The following PPM1H variants were observed in gnomAD, a reference collection of about 807,000 sequenced individuals.
PPM1H encodes protein phosphatase 1H.
A neutral mutation model predicts 54.9 loss-of-function variants in PPM1H; 27 were observed. The ratio of observed to expected loss-of-function variants is 0.49; its 90% CI spans 0.36 to 0.68. The LOEUF (loss-of-function observed/expected upper bound fraction) is 0.68. PPM1H is among the 30% of genes least tolerant of loss of function. The pLI, the probability that PPM1H is intolerant of heterozygous loss-of-function variation, is 0.00. For synonymous variants in PPM1H, 305 were observed against 270.8 expected (o/e 1.13, Z -1.24); for missense variants, 596 against 667.8 (o/e 0.89, Z 1.19).
chr12:62,808,373 C>G (rs765305170), intron 2 of PPM1H, among the ~76,000 whole-genome samples: 9 of 148,504 alleles, frequency 6.1e-5, no homozygotes, highest in Non-Finnish European at 1.2e-4. Flanking sequence ...GGTGACCACC[C>G]CTACCCTACC....
At chr12:62,751,639 A>C (rs2076443226) in intron 4 of PPM1H, among the ~76,000 whole-genome samples, 1 of 152,232 alleles carries the variant, frequency 6.6e-6, no homozygotes, top group Non-Finnish European at 1.5e-5. Flanking sequence ...AGCTTTGTCT[A>C]TATTTGCCTG....
intron 4 of PPM1H, among the ~76,000 whole-genome samples, chr12:62,737,825 C>T (rs903984219): frequency 6.6e-6 from 1 of 152,092 alleles, no homozygotes; most frequent in Non-Finnish European, 1.5e-5. Context: ...TGGAAGTGTG[C>T]CTTAATGCTC....
chr12:62,817,642 G>A (rs932108108), intron 2 of PPM1H, among the ~76,000 whole-genome samples: 1 of 152,170 alleles, frequency 6.6e-6, no homozygotes, highest in Non-Finnish European at 1.5e-5. Context: ...TGATGAGGGC[G>A]AAATATTCCA....
At chr12:62,658,851 A>G in intron 9 of PPM1H, 1 of 580,290 alleles carries the variant, frequency 1.7e-6, no homozygotes, top group Non-Finnish European at 3.3e-6. Context: ...GTGGAGCCCA[A>G]GATTGTCAAA....
intron 2 of PPM1H, among the ~76,000 whole-genome samples, chr12:62,810,451 G>A (rs2076828571): frequency 6.6e-6 from 1 of 152,160 alleles, no homozygotes; most frequent in South Asian, 2.1e-4. Context: ...TAACCAGTAT[G>A]AAACTCACTG....
chr12:62,813,869 A>C (rs1315498992), intron 2 of PPM1H, among the ~76,000 whole-genome samples: 2 of 152,162 alleles, frequency 1.3e-5, no homozygotes, highest in African/African-American at 2.4e-5. Context: ...AAAACACTTA[A>C]ATCAATGCCT....
At chr12:62,836,504 ACTCC>A (rs943633421) in intron 1 of PPM1H, among the ~76,000 whole-genome samples, 8 of 152,110 alleles carry the variant, frequency 5.3e-5, no homozygotes, top group Admixed American at 5.2e-4. Context: ...TGCCACTGTT[ACTCC>A]CTTTTTAAAC....
intron 3 of PPM1H, among the ~76,000 whole-genome samples, chr12:62,790,828 G>A (rs2076697675): frequency 6.6e-6 from 1 of 152,178 alleles, no homozygotes; most frequent in Non-Finnish European, 1.5e-5. Context: ...AACTTCAAAG[G>A]ACTATGTGGG....
intron 8 of PPM1H, among the ~76,000 whole-genome samples, chr12:62,680,019 T>G (rs2076010068): frequency 6.6e-6 from 1 of 152,092 alleles, no homozygotes; most frequent in Non-Finnish European, 1.5e-5. Flanking sequence ...ATCAATTCCT[T>G]CCCTCCCTGT....
intron 9 of PPM1H, among the ~76,000 whole-genome samples, chr12:62,654,171 C>T (rs943931759): frequency 1.5e-5 from 2 of 133,344 alleles, no homozygotes; most frequent in African/African-American, 2.8e-5. Context: ...GGAAGCGAGG[C>T]TGTGCCACTG....
chr12:62,732,470 T>C (rs1237891047), intron 5 of PPM1H, among the ~76,000 whole-genome samples: 1 of 152,160 alleles, frequency 6.6e-6, no homozygotes, highest in African/African-American at 2.4e-5. Flanking sequence ...CCTTCTTCAC[T>C]AGCAAGAAAA....
At chr12:62,855,404 C>T (rs778923300) in intron 1 of PPM1H, among the ~76,000 whole-genome samples, 6 of 152,110 alleles carry the variant, frequency 3.9e-5, no homozygotes, top group Admixed American at 1.3e-4. Context: ...TTCAGACACA[C>T]GCAGAACCCA....
rs2076617186 is a variant in PPM1H, at chr12:62,777,371, AG to A, written c.869+10854del. On this transcript the variant is annotated intron_variant, in intron 4 of 9. Transcript: ENST00000228705. ...TACCTGGGCTGACTACAAGTAGAAG[AG>A]GACAGAGACCTCATCTGCCTACTTC... 2.0e-5 allele frequency among the ~76,000 whole-genome samples: 3 copies of A among 152,218 alleles called. No individual in the cohort carries two copies. In the South Asian group the frequency reaches 6.2e-4, roughly 32 times the overall value.
chr12:62,748,840 T>C (rs1224380800), intron 4 of PPM1H, among the ~76,000 whole-genome samples: 1 of 152,194 alleles, frequency 6.6e-6, no homozygotes, highest in African/African-American at 2.4e-5. Context: ...AACTCCACAG[T>C]GGGCTGTTAA....
chr12:62,931,469 C>T (rs1872129305), intron 1 of PPM1H, among the ~76,000 whole-genome samples: 1 of 152,180 alleles, frequency 6.6e-6, no homozygotes, highest in Non-Finnish European at 1.5e-5. Context: ...ATTCAGGATG[C>T]ATTTTTGCAG....
chr12:62,820,242 C>T (rs898114842), intron 2 of PPM1H, among the ~76,000 whole-genome samples: 4 of 152,230 alleles, frequency 2.6e-5, no homozygotes, highest in African/African-American at 4.8e-5. Context: ...GTAAACAAAG[C>T]GGCTGGGGAA....
At chr12:62,723,569 T>G (rs1179503769) in intron 5 of PPM1H, among the ~76,000 whole-genome samples, 2 of 152,222 alleles carry the variant, frequency 1.3e-5, no homozygotes, top group Non-Finnish European at 2.9e-5. Flanking sequence ...GAGTTCACTC[T>G]CTTGCCCTTC....
At chr12:62,895,716 C>T (rs1182227386) in intron 1 of PPM1H, among the ~76,000 whole-genome samples, 4 of 152,242 alleles carry the variant, frequency 2.6e-5, no homozygotes, top group Non-Finnish European at 4.4e-5. Context: ...CTGGGGGCCT[C>T]CTCTGCACTT....
intron 1 of PPM1H, among the ~76,000 whole-genome samples, chr12:62,895,488 A>G (rs930584706): frequency 6.6e-6 from 1 of 152,180 alleles, no homozygotes; most frequent in Non-Finnish European, 1.5e-5. Context: ...ACTCATTAGA[A>G]AGCAAATTCT....
Sources: gnomAD v4.1 joint callset for allele counts (sites outside exome capture counted in the v4.1 genomes callset) on GRCh38, gnomAD v4.1.1 for gene constraint, MANE v1.5 for transcripts, NCBI Gene and HGNC (gene_info 2026-07-23, HGNC 2026-07-21) for gene names.